STXBP5L: variants seen among roughly 807,000 people sequenced by gnomAD.
The protein encoded by STXBP5L is syntaxin binding protein 5L.
In STXBP5L, 65 loss-of-function variants were observed where a neutral mutation model predicts 144.5. The ratio of observed to expected loss-of-function variants is 0.45; its 90% CI spans 0.37 to 0.55. The LOEUF (loss-of-function observed/expected upper bound fraction) is 0.55. STXBP5L is among the 20% of genes least tolerant of loss of function. The pLI, the probability that STXBP5L is intolerant of heterozygous loss-of-function variation, is 0.00. For missense variants in STXBP5L, 1,298 were observed against 1,405.5 expected (o/e 0.92, Z 1.22); for synonymous variants, 505 against 469.6 (o/e 1.08, Z -0.97).
intron 9 of STXBP5L, among the ~76,000 whole-genome samples, chr3:121,178,225 A>T (rs1376717113): frequency 6.6e-6 from 1 of 152,200 alleles, no homozygotes; most frequent in East Asian, 1.9e-4. Context: ...CAACAATGTG[A>T]ATCTACTTAC....
At chr3:120,928,445 T>C (rs1443177508) in intron 2 of STXBP5L, among the ~76,000 whole-genome samples, 1 of 152,106 alleles carries the variant, frequency 6.6e-6, no homozygotes, top group East Asian at 1.9e-4. Context: ...GTATTTTTAG[T>C]AGAGGCAAAG....
At chr3:120,955,573 A>G (rs1937935358) in intron 3 of STXBP5L, among the ~76,000 whole-genome samples, 1 of 151,984 alleles carries the variant, frequency 6.6e-6, no homozygotes. Context: ...TGTTTTTTAA[A>G]ATTAAACTTT....
chr3:121,014,975 A>G (rs1289576655), intron 3 of STXBP5L, among the ~76,000 whole-genome samples: 1 of 152,128 alleles, frequency 6.6e-6, no homozygotes, highest in Non-Finnish European at 1.5e-5. Context: ...CAAGACCTCT[A>G]TACTGAAAAT....
chr3:121,150,842 C>T (rs538341614), intron 7 of STXBP5L, among the ~76,000 whole-genome samples: 3 of 152,196 alleles, frequency 2.0e-5, no homozygotes, highest in African/African-American at 7.2e-5. Flanking sequence ...AATCCTAGCA[C>T]TTTGGGAGGC....
Position 121,418,371 on chromosome 3 carries a change from C to T in STXBP5L, c.3261C>T (p.Ser1087=), listed in dbSNP as rs771061851. 4 of 1,613,894 alleles carry T rather than the reference C, an allele frequency of 2.5e-6. No individual in the cohort carries two copies. Among genetic ancestry groups the T allele is most frequent in the South Asian group, 1.1e-5 (1 of 91,078 alleles). Residue 1087 remains serine (S), a synonymous_variant, in exon 26 of 27, where the codon AGC becomes AGT. Transcript: ENST00000471454. ...GEASAGKASR[S]LAQHIPGPGS... ...CTTCGGCAGGAAAAGCATCCCGCAGCCTTGCGCAACACATTCCTGGACCAG... is the reference window on the plus strand; with the variant it reads ...CTTCGGCAGGAAAAGCATCCCGCAGTCTTGCGCAACACATTCCTGGACCAG...
At chr3:121,046,565 A>G (rs531349710) in intron 5 of STXBP5L, among the ~76,000 whole-genome samples, 44 of 152,146 alleles carry the variant, frequency 2.9e-4, no homozygotes, top group African/African-American at 8.4e-4. Context: ...CAGGGATTCA[A>G]TTTCTCCCTG....
chr3:121,124,831 GT>G, intron 7 of STXBP5L, among the ~76,000 whole-genome samples: 1 of 151,652 alleles, frequency 6.6e-6, no homozygotes. Flanking sequence ...ACTTTTTTTT[GT>G]TTCCAACTTC....
At chr3:120,979,605 C>T (rs1326567606) in intron 3 of STXBP5L, among the ~76,000 whole-genome samples, 1 of 152,184 alleles carries the variant, frequency 6.6e-6, no homozygotes, top group Non-Finnish European at 1.5e-5. Flanking sequence ...CCCGGTACCT[C>T]CGATGGAAAT....
chr3:121,059,623 CGTTT>C (rs1268654932), intron 5 of STXBP5L, among the ~76,000 whole-genome samples: 25 of 152,134 alleles, frequency 1.6e-4, no homozygotes, highest in South Asian at 2.1e-4. Context: ...AATGTTTTTC[CGTTT>C]GTTTGTGTCC....
chr3:121,098,650 G>T (rs1038420748), intron 5 of STXBP5L, among the ~76,000 whole-genome samples: 3 of 152,208 alleles, frequency 2.0e-5, no homozygotes, highest in African/African-American at 7.2e-5. Flanking sequence ...CTCAGCTGTG[G>T]AATGGAATGC....
In STXBP5L at chr3:120,981,880, T is replaced by G. The variant is rs1208672632; in HGVS notation, c.287+26843T>G. On this transcript the variant is annotated intron_variant, in intron 3 of 26. Coordinates refer to ENST00000471454, the MANE Select transcript of STXBP5L (RefSeq NM_001308330.2). ...TTGAAGGTATGATTGTCCTGTATGT[T>G]GTGTATGATTGTTTGGCTTCAATTC... is the stretch of plus-strand genomic sequence containing the variant. Among the ~76,000 whole-genome samples, 7 of 152,164 alleles carry G rather than the reference T, an allele frequency of 4.6e-5. 1 individual carries two copies. Among genetic ancestry groups the G allele is most frequent in the Admixed American group, 4.6e-4 (7 of 15,276 alleles).
At chr3:121,262,754 C>T (rs1186588023) in intron 18 of STXBP5L, among the ~76,000 whole-genome samples, 1 of 152,134 alleles carries the variant, frequency 6.6e-6, no homozygotes, top group Non-Finnish European at 1.5e-5. Context: ...ATGGTGGGAT[C>T]AGCACAAGGT....
intron 3 of STXBP5L, among the ~76,000 whole-genome samples, chr3:120,990,921 C>G (rs1032331584): frequency 1.3e-5 from 2 of 152,160 alleles, no homozygotes; most frequent in African/African-American, 4.8e-5. Context: ...TAGGCATGGG[C>G]AAGGACTTCA....
chr3:121,158,407 G>A (rs930121832), intron 9 of STXBP5L: 3 of 152,050 alleles, frequency 2.0e-5, no homozygotes, highest in African/African-American at 4.8e-5. Context: ...GGAAAGTAGT[G>A]GTATGTTTTC....
chr3:121,102,237 A>C (rs1559747696), intron 5 of STXBP5L, among the ~76,000 whole-genome samples: 1 of 152,200 alleles, frequency 6.6e-6, no homozygotes, highest in Non-Finnish European at 1.5e-5. Context: ...GAACCAAAAT[A>C]GAGCCCAAAT....
intron 8 of STXBP5L, among the ~76,000 whole-genome samples, chr3:121,155,962 G>GAGGCT (rs1349804409): frequency 6.6e-6 from 1 of 151,860 alleles, no homozygotes; most frequent in Non-Finnish European, 1.5e-5. Context: ...TAAGTTAAAT[G>GAGGCT]AGGCTCATCA....
chr3:121,154,853 C>A (rs1464714559), intron 8 of STXBP5L, among the ~76,000 whole-genome samples: 1 of 151,488 alleles, frequency 6.6e-6, no homozygotes, highest in African/African-American at 2.4e-5. Flanking sequence ...CAGTTTAGAC[C>A]CCTCAAAGTA....
intron 2 of STXBP5L, among the ~76,000 whole-genome samples, chr3:120,933,279 G>C (rs1238932017): frequency 6.6e-6 from 1 of 152,126 alleles, no homozygotes; most frequent in Non-Finnish European, 1.5e-5. Flanking sequence ...AGTGAGATAA[G>C]TTGACTATAA....
At chr3:121,073,503 G>C (rs142725628) in intron 5 of STXBP5L, among the ~76,000 whole-genome samples, 5,266 of 152,316 alleles carry the variant, frequency 0.035, 340 homozygotes, top group Admixed American at 0.17. Flanking sequence ...ACCAGGTCTA[G>C]ACACTTGGAG....
Sources: allele counts gnomAD v4.1 joint callset (sites outside exome capture counted in the v4.1 genomes callset), GRCh38; gene constraint gnomAD v4.1.1; transcripts MANE v1.5; gene names NCBI Gene and HGNC (gene_info 2026-07-23, HGNC 2026-07-21).